The following TMEM132B variants were observed in gnomAD, a reference collection of about 807,000 sequenced individuals.
TMEM132B encodes transmembrane protein 132B.
Under a neutral mutation model 90.8 loss-of-function variants are expected in TMEM132B, and 18 were observed. That is an observed-to-expected ratio of 0.20 (90% CI 0.14 to 0.29). The LOEUF (loss-of-function observed/expected upper bound fraction) is 0.29. Ranked by LOEUF, TMEM132B falls within the 10% of genes least tolerant of loss-of-function variation. The pLI, the probability that TMEM132B is intolerant of heterozygous loss-of-function variation, is 1.00. For missense variants in TMEM132B, 1,096 were observed against 1,326.8 expected (o/e 0.83, Z 2.70); for synonymous variants, 504 against 523.3 (o/e 0.96, Z 0.50).
chr12:125,316,248 A>G (rs1342007245), intron 1 of TMEM132B, among the ~76,000 whole-genome samples: 1 of 152,208 alleles, frequency 6.6e-6, no homozygotes, highest in Non-Finnish European at 1.5e-5. Context: ...TCTACAGGAC[A>G]GTCCTATGGG....
chr12:125,566,284 A>G (rs2136813312), intron 4 of TMEM132B, among the ~76,000 whole-genome samples: 1 of 152,314 alleles, frequency 6.6e-6, no homozygotes, highest in South Asian at 2.1e-4. Context: ...TATTGGGGGT[A>G]TAGTCCCGGA....
At chr12:125,224,095 C>T (rs1873623612) in intron 1 of TMEM132B, among the ~76,000 whole-genome samples, 1 of 152,162 alleles carries the variant, frequency 6.6e-6, no homozygotes, top group Admixed American at 6.5e-5. Flanking sequence ...TAAGGTTCAA[C>T]CCCATTGGAG....
chr12:125,580,672 G>A (rs537238492), intron 4 of TMEM132B, among the ~76,000 whole-genome samples: 1 of 152,178 alleles, frequency 6.6e-6, no homozygotes, highest in African/African-American at 2.4e-5. Flanking sequence ...TGATCTCCTG[G>A]TTGCCTATAA....
At position 125,322,020 on chromosome 12, in the gene TMEM132B, T is replaced by C. The variant is rs141338846; in HGVS notation, c.68-27432T>C. 2.1e-4 allele frequency among the ~76,000 whole-genome samples: 32 copies of C among 152,314 alleles called. 1 individual carries two copies. In the East Asian group the frequency reaches 6.2e-3, roughly 29 times the overall value. On this transcript the variant is annotated intron_variant, in intron 1 of 8. Coordinates refer to ENST00000682704, the MANE Select transcript of TMEM132B (RefSeq NM_001366854.1). ...TATAATAACATGGGTGACTTAATTA[T>C]TATGCGAAATAAAAGAAGTCGGGCA...
In TMEM132B at chr12:125,460,590, A is replaced by C. The variant is rs1427524465; in HGVS notation, c.1106+44913A>C. Among the ~76,000 whole-genome samples, 6 of 152,212 alleles carry C rather than the reference A, an allele frequency of 3.9e-5. No individual in the cohort carries two copies. The highest frequency in any genetic ancestry group is 3.9e-4 in the Admixed American group (6 of 15,284). ...AATCATCTCTCCTTCAGTCCAACGC[A>C]TTTCACTCTTCAACAGTACTGCTCA... is the stretch of plus-strand genomic sequence containing the variant. On this transcript the variant is annotated intron_variant, in intron 3 of 8. Transcript: ENST00000682704. The surrounding 1 kb of genome is among the most constrained non-coding windows in gnomAD (Gnocchi z 4.4).
At chr12:125,501,218 A>G (rs1370443279) in intron 3 of TMEM132B, among the ~76,000 whole-genome samples, 1 of 152,226 alleles carries the variant, frequency 6.6e-6, no homozygotes, top group Admixed American at 6.5e-5. Context: ...ATACCCACGT[A>G]AATATGAATT....
At chr12:125,596,579 C>T (rs1020129787) in intron 5 of TMEM132B, among the ~76,000 whole-genome samples, 2 of 152,134 alleles carry the variant, frequency 1.3e-5, no homozygotes, top group African/African-American at 2.4e-5. Context: ...TAAAGGGCCC[C>T]TCCTCAAAAT....
intron 1 of TMEM132B, among the ~76,000 whole-genome samples, chr12:125,252,969 A>C (rs1404868730): frequency 6.6e-6 from 1 of 152,224 alleles, no homozygotes. Flanking sequence ...TGTAAGACGA[A>C]AACAACTTTA....
intron 1 of TMEM132B, among the ~76,000 whole-genome samples, chr12:125,261,995 C>T (rs7306998): frequency 6.6e-6 from 1 of 152,150 alleles, no homozygotes; most frequent in Non-Finnish European, 1.5e-5. Context: ...CCATGCGCAG[C>T]TTATATTTAT....
At position 125,451,332 on chromosome 12, in the gene TMEM132B, T is replaced by C. The variant is rs147364207; in HGVS notation, c.1106+35655T>C. ...GGCCATGGCATAAGTAAATTACTTC[T>C]AGATGGTTCAGAAAAAGTACAAAAA... On this transcript the variant is annotated intron_variant, in intron 3 of 8. Coordinates refer to ENST00000682704, the MANE Select transcript of TMEM132B (RefSeq NM_001366854.1). 5.2e-4 allele frequency among the ~76,000 whole-genome samples: 79 copies of C among 152,276 alleles called. 2 individuals are homozygous for C. In the East Asian group the frequency reaches 0.015, roughly 29 times the overall value.
intron 3 of TMEM132B, among the ~76,000 whole-genome samples, chr12:125,465,103 A>G (rs1475200845): frequency 6.6e-6 from 1 of 152,174 alleles, no homozygotes; most frequent in Non-Finnish European, 1.5e-5. Flanking sequence ...AATCCCTCAA[A>G]ATCCTCAAAT....
intron 4 of TMEM132B, among the ~76,000 whole-genome samples, chr12:125,528,434 TC>T (rs1883552309): frequency 1.3e-5 from 2 of 152,168 alleles, no homozygotes; most frequent in South Asian, 4.1e-4. Context: ...CAATGAGAGA[TC>T]ATCAGATTCC....
chr12:125,500,655 A>G (rs557532163), intron 3 of TMEM132B, among the ~76,000 whole-genome samples: 1 of 152,328 alleles, frequency 6.6e-6, no homozygotes, highest in East Asian at 1.9e-4. Context: ...ATTTTGTAGG[A>G]CGTCAATCTA....
At chr12:125,580,547 G>A (rs1593003896) in intron 4 of TMEM132B, among the ~76,000 whole-genome samples, 1 of 152,176 alleles carries the variant, frequency 6.6e-6, no homozygotes, top group East Asian at 1.9e-4. Flanking sequence ...GTCAATGTAG[G>A]CTGTTATTTT....
chr12:125,562,175 A>G (rs1884549381), intron 4 of TMEM132B, among the ~76,000 whole-genome samples: 1 of 152,170 alleles, frequency 6.6e-6, no homozygotes. Context: ...AAGCCTTATG[A>G]ACCAACCTCT....
chr12:125,328,032 A>C (rs2136199142), intron 1 of TMEM132B, among the ~76,000 whole-genome samples: 1 of 152,352 alleles, frequency 6.6e-6, no homozygotes, highest in South Asian at 2.1e-4. Flanking sequence ...TGTAAAACAA[A>C]GTCACCCTGC....
chr12:125,395,236 C>T (rs564090777), intron 2 of TMEM132B, among the ~76,000 whole-genome samples: 1 of 152,108 alleles, frequency 6.6e-6, no homozygotes, highest in South Asian at 2.1e-4. Flanking sequence ...GAAAAAAATT[C>T]ATTATGGCTG....
rs564861962 is a variant in TMEM132B at position 125,492,837 on chromosome 12, G to A, written c.1107-26602G>A. 5.3e-4 allele frequency among the ~76,000 whole-genome samples: 80 copies of A among 152,306 alleles called. No homozygotes were observed. Among genetic ancestry groups the A allele is most frequent in the Non-Finnish European group, 9.3e-4 (63 of 68,020 alleles). On this transcript the variant is annotated intron_variant, in intron 3 of 8. Coordinates refer to ENST00000682704, the MANE Select transcript of TMEM132B (RefSeq NM_001366854.1). This position sits in a 1 kb window ranked among gnomAD's most constrained non-coding sequence, Gnocchi z 5.8. ...GTGTCAGGCTCCAGGGATAGACACA[G>A]CGCCAACCAAAGGCTCAGTTCCACC...
intron 3 of TMEM132B, among the ~76,000 whole-genome samples, chr12:125,515,046 T>C (rs999540992): frequency 6.6e-6 from 1 of 152,168 alleles, no homozygotes; most frequent in Non-Finnish European, 1.5e-5. Context: ...CAAGTCCTTT[T>C]GGAAGGAAGG....
Sources: allele counts gnomAD v4.1 joint callset (sites outside exome capture counted in the v4.1 genomes callset), GRCh38; gene constraint gnomAD v4.1.1; non-coding constraint Gnocchi (gnomAD v3.1); transcripts MANE v1.5; gene names NCBI Gene and HGNC (gene_info 2026-07-23, HGNC 2026-07-21).